Variants in C10orf90 observed in about 807,000 individuals in gnomAD.
The protein encoded by C10orf90 is (E2-independent) E3 ubiquitin-conjugating enzyme FATS.
Under a neutral mutation model 62.5 loss-of-function variants are expected in C10orf90, and 56 were observed. The observed-to-expected ratio is 0.90, with a 90% CI of 0.72 to 1.12. The LOEUF (loss-of-function observed/expected upper bound fraction) is 1.12. Ranked by LOEUF, C10orf90 falls within the 50% of genes most tolerant of loss-of-function variation. The probability of loss-of-function intolerance (pLI) is 0.00; values close to 1 mark genes in which losing one functional copy is unlikely to be tolerated. For missense variants in C10orf90, 970 were observed against 880.4 expected (o/e 1.10, Z -1.29); for synonymous variants, 386 against 340.4 (o/e 1.13, Z -1.47).
chr10:126,429,388 C>T (rs1857440819), intron 8 of C10orf90, among the ~76,000 whole-genome samples: 1 of 152,168 alleles, frequency 6.6e-6, no homozygotes, highest in South Asian at 2.1e-4. Context: ...TCCTTCAGTC[C>T]CTGCCACAGT....
At chr10:126,511,590 GGTAA>G (rs1227148207) in intron 3 of C10orf90, among the ~76,000 whole-genome samples, 1 of 150,400 alleles carries the variant, frequency 6.6e-6, no homozygotes, top group African/African-American at 2.4e-5. Context: ...AGGTGGAGTG[GGTAA>G]GTAAATTATG....
rs1458097342 is a variant in C10orf90 at position 126,530,469 on chromosome 10, T to TA, written c.314-16531_314-16530insT. Among the ~76,000 whole-genome samples, 15 of 151,552 alleles carry TA rather than the reference T, an allele frequency of 9.9e-5. No homozygotes were observed. The East Asian group carries it at 2.9e-3, about 29-fold the overall frequency. ...ATGAATAACTTTTATGTGAATAAAT[T>TA]CAACTTAGAAAAAAATATACAAATT... On this transcript the variant is annotated intron_variant, in intron 2 of 9. Coordinates refer to ENST00000488181, the MANE Select transcript of C10orf90 (RefSeq NM_001350921.2).
chr10:126,614,674 T>C (rs1845505535), intron 2 of C10orf90, among the ~76,000 whole-genome samples: 1 of 152,040 alleles, frequency 6.6e-6, no homozygotes, highest in South Asian at 2.1e-4. Context: ...CTTTCAACGC[T>C]AGGGAAGGTT....
At chr10:126,430,289 C>A (rs1857495193) in intron 7 of C10orf90, among the ~76,000 whole-genome samples, 1 of 152,172 alleles carries the variant, frequency 6.6e-6, no homozygotes, top group Admixed American at 6.5e-5. Context: ...TTGTCTATAG[C>A]CCTCTATAGG....
At chr10:126,573,782 T>A (rs1469154762) in intron 2 of C10orf90, among the ~76,000 whole-genome samples, 1 of 152,134 alleles carries the variant, frequency 6.6e-6, no homozygotes, top group Non-Finnish European at 1.5e-5. Context: ...AAGTCTGGCA[T>A]GAGGAAACTC....
At chr10:126,616,055 G>T (rs994627144) in intron 2 of C10orf90, among the ~76,000 whole-genome samples, 22 of 152,216 alleles carry the variant, frequency 1.4e-4, no homozygotes, top group African/African-American at 5.3e-4. Flanking sequence ...AGGCACAAAT[G>T]CGCATCATTT....
chr10:126,557,393 T>C (rs1050559230), intron 2 of C10orf90, among the ~76,000 whole-genome samples: 1 of 148,930 alleles, frequency 6.7e-6, no homozygotes, highest in Non-Finnish European at 1.5e-5. Context: ...GGCAGGAGAA[T>C]GGCGTGAACG....
chr10:126,649,841 G>C (rs1846256613), intron 1 of C10orf90, among the ~76,000 whole-genome samples: 1 of 152,146 alleles, frequency 6.6e-6, no homozygotes, highest in South Asian at 2.1e-4. Context: ...GGGCCTACCT[G>C]TACATCTCTG....
chr10:126,591,442 A>G (rs1041319632), intron 2 of C10orf90, among the ~76,000 whole-genome samples: 6 of 152,226 alleles, frequency 3.9e-5, no homozygotes, highest in African/African-American at 1.4e-4. Flanking sequence ...CTAAAGACAA[A>G]AATCACATGG....
chr10:126,544,071 G>A (rs892490580), intron 2 of C10orf90, among the ~76,000 whole-genome samples: 24 of 152,204 alleles, frequency 1.6e-4, no homozygotes, highest in African/African-American at 5.3e-4. Context: ...CATTTTTAAA[G>A]AAAAACTCTA....
rs747523756 is a variant in C10orf90, at chr10:126,456,531, G to A, written c.2188+2509C>T. 3.9e-5 allele frequency among the ~76,000 whole-genome samples: 6 copies of A among 152,060 alleles called. No homozygotes were observed. Among genetic ancestry groups the A allele is most frequent in the African/African-American group, 7.2e-5 (3 of 41,404 alleles). On this transcript the variant is annotated intron_variant, in intron 7 of 9. Coordinates refer to ENST00000488181, the MANE Select transcript of C10orf90 (RefSeq NM_001350921.2). This position sits in a 1 kb window ranked among gnomAD's most constrained non-coding sequence, Gnocchi z 4.9. The stretch of plus-strand genomic sequence containing the variant: ...GTGAACTTGTAAGGATATTTGTTTC[G>A]GGCAAACACCACAGTTGAATGATAT...
chr10:126,607,743 A>G (rs1467717352), intron 2 of C10orf90, among the ~76,000 whole-genome samples: 2 of 152,250 alleles, frequency 1.3e-5, no homozygotes, highest in African/African-American at 4.8e-5. Flanking sequence ...TCATACATGG[A>G]TAAAAGATCC....
Position 126,515,697 on chromosome 10 carries a change from A to G in C10orf90, c.314-1758T>C, listed in dbSNP as rs78780079. Among the ~76,000 whole-genome samples the G allele has an allele frequency of 1.0e-3, 153 of 152,326 alleles. 4 individuals carry two copies. In the East Asian group the frequency reaches 0.023, roughly 23 times the overall value. On this transcript the variant is annotated intron_variant, in intron 2 of 9. Transcript: ENST00000488181. Reference sequence around the variant, plus strand: ...GCTTGACTGTAACTGAAAGCATTTTATGAGGAAAATAATGTGCTCTAATAT... The same window carrying G: ...GCTTGACTGTAACTGAAAGCATTTTGTGAGGAAAATAATGTGCTCTAATAT...
intron 2 of C10orf90, among the ~76,000 whole-genome samples, chr10:126,629,145 C>A (rs921863445): frequency 6.6e-6 from 1 of 152,222 alleles, no homozygotes; most frequent in East Asian, 1.9e-4. Context: ...GCATTTAGGG[C>A]TCTAACTGCT....
At chr10:126,459,260 C>T in intron 6 of C10orf90, 43 bp from the exon 7 acceptor site, 1 of 1,605,522 alleles carries the variant, frequency 6.2e-7, no homozygotes, top group Non-Finnish European at 8.5e-7. Flanking sequence ...AGAGCAGTGA[C>T]ACAGAAAGGC....
Position 126,464,752 on chromosome 10 carries a change from A to G in C10orf90, c.1769T>C (p.Val590Ala). The change falls in exon 5 of 10, where the codon GTA (valine) becomes GCA (alanine). Residue 590 changes from valine to alanine, a missense_variant. Coordinates refer to ENST00000488181, the MANE Select transcript of C10orf90 (RefSeq NM_001350921.2). The part of the protein sequence containing the change: ...FPGFLCPLQD[V>A]CASLQEDNGV... ...ATTGTCTTCCTGCAGAGATGCACAT[A>G]CATCTTGTAAGGGGCAAAGAAACCC... is the stretch of plus-strand genomic sequence containing the variant. 1.2e-6 allele frequency: 2 copies of G among 1,614,094 alleles called. No individual in the cohort carries two copies. Among genetic ancestry groups the G allele is most frequent in the Non-Finnish European group, 1.7e-6 (2 of 1,180,006 alleles).
intron 5 of C10orf90, among the ~76,000 whole-genome samples, chr10:126,462,011 C>T (rs1427707126): frequency 6.6e-6 from 1 of 152,098 alleles, no homozygotes; most frequent in African/African-American, 2.4e-5. Context: ...AATTATAGAG[C>T]CCTCCCCTGC....
At chr10:126,592,190 A>G (rs1844993737) in intron 2 of C10orf90, among the ~76,000 whole-genome samples, 1 of 152,236 alleles carries the variant, frequency 6.6e-6, no homozygotes, top group South Asian at 2.1e-4. Flanking sequence ...AAAATTAGAA[A>G]AAACTATTTT....
rs551668486 is a variant in C10orf90, at chr10:126,500,277, C to T, written c.1534+3680G>A. 2.0e-5 allele frequency among the ~76,000 whole-genome samples: 3 copies of T among 152,234 alleles called. No homozygotes were observed. The South Asian group carries it at 6.2e-4, about 32-fold the overall frequency. ...CGTTGAGTCACCACCATCTTAATTG[C>T]CCTGCCTGGGGCTGTCACTGAGAAG... On this transcript the variant is annotated intron_variant, in intron 4 of 9. Coordinates refer to ENST00000488181, the MANE Select transcript of C10orf90 (RefSeq NM_001350921.2).
Sources: gnomAD v4.1 joint callset for allele counts (sites outside exome capture counted in the v4.1 genomes callset) on GRCh38, gnomAD v4.1.1 for gene constraint, Gnocchi (gnomAD v3.1) non-coding constraint, MANE v1.5 for transcripts, NCBI Gene and HGNC (gene_info 2026-07-23, HGNC 2026-07-21) for gene names.